Variants in NINL observed in about 807,000 individuals in gnomAD.
NINL encodes ninein-like protein.
NINL carries 153 observed loss-of-function variants against 160.3 expected under a neutral mutation model. That is an observed-to-expected ratio of 0.95 (90% CI 0.84 to 1.09). NINL has a LOEUF of 1.09. Ranked by LOEUF, NINL falls within the 50% of genes least tolerant of loss-of-function variation. The pLI, the probability that NINL is intolerant of heterozygous loss-of-function variation, is 0.00. For missense variants in NINL, 1,829 were observed against 1,764.0 expected (o/e 1.04, Z -0.66); for synonymous variants, 800 against 734.8 (o/e 1.09, Z -1.43).
At chr20:25,490,219 CTT>C (rs1158083820) in intron 11 of NINL, among the ~76,000 whole-genome samples, 1 of 152,230 alleles carries the variant, frequency 6.6e-6, no homozygotes, top group Non-Finnish European at 1.5e-5. Context: ...CTTCACTTCT[CTT>C]GTCCCCTCCC....
intron 8 of NINL, 25 bp downstream of exon 8, chr20:25,500,815 G>A (rs760898989): frequency 6.2e-7 from 1 of 1,607,072 alleles, no homozygotes; most frequent in East Asian, 2.2e-5. Context: ...CCCCTGTCCA[G>A]CTTAGGCATC....
At chr20:25,494,107 T>G (rs1265014937) in intron 10 of NINL, among the ~76,000 whole-genome samples, 1 of 141,684 alleles carries the variant, frequency 7.1e-6, no homozygotes, top group Non-Finnish European at 1.5e-5. Context: ...ATGGGTCCCA[T>G]GCACACAGTA....
At chr20:25,541,808 A>G (rs2064667427) in intron 1 of NINL, among the ~76,000 whole-genome samples, 1 of 152,250 alleles carries the variant, frequency 6.6e-6, no homozygotes, top group South Asian at 2.1e-4. Flanking sequence ...TGAGAGAACT[A>G]GAAGAGCACA....
At chr20:25,533,892 A>C (rs1456095405) in intron 1 of NINL, among the ~76,000 whole-genome samples, 1 of 152,222 alleles carries the variant, frequency 6.6e-6, no homozygotes, top group Non-Finnish European at 1.5e-5. Flanking sequence ...ACAGAGAGAA[A>C]GCTTCATGAT....
chr20:25,582,211 C>T (rs778264673), intron 1 of NINL, among the ~76,000 whole-genome samples: 3 of 152,118 alleles, frequency 2.0e-5, no homozygotes, highest in Non-Finnish European at 2.9e-5. Context: ...GCCGAGATCG[C>T]GCCACTGCAC....
rs145156134 is a variant in NINL, at chr20:25,542,806, G to A, written c.-11-16208C>T. 9.6e-3 allele frequency among the ~76,000 whole-genome samples: 1,375 copies of A among 142,648 alleles called. 21 individuals carry two copies. Among genetic ancestry groups the A allele is most frequent in the African/African-American group, 0.03 (1,186 of 39,080 alleles). The allele number at this position is 142,648 out of a possible 152,430, so 93.6% of individuals were successfully genotyped here. A position where few individuals can be genotyped will look rare whatever the true frequency, so the allele number is the denominator to read the frequency against. On this transcript the variant is annotated intron_variant, in intron 1 of 23. Transcript: ENST00000278886. The stretch of plus-strand genomic sequence containing the variant: ...AGCACTTTGGGAGGCTGAGGCGGGC[G>A]GATCATTTGAGGTCATGAGTTCGAG...
rs534014152 is a variant in NINL at position 25,583,483 on chromosome 20, G to A, written c.-12+1972C>T. 1.1e-4 allele frequency among the ~76,000 whole-genome samples: 17 copies of A among 152,330 alleles called. No homozygotes were observed. In the South Asian group the frequency reaches 2.5e-3, roughly 22 times the overall value. On this transcript the variant is annotated intron_variant, in intron 1 of 23. Transcript: ENST00000278886. ...AAAAAGCAAGGAAACAACAGATGCTGGAGAGGCTGTGGAGGAATAGGAACG... is the reference window on the plus strand; with the variant it reads ...AAAAAGCAAGGAAACAACAGATGCTAGAGAGGCTGTGGAGGAATAGGAACG...
intron 13 of NINL, among the ~76,000 whole-genome samples, chr20:25,485,136 A>C (rs1178905452): frequency 1.3e-5 from 2 of 152,220 alleles, no homozygotes; most frequent in East Asian, 3.8e-4. Flanking sequence ...AGAATAAAGG[A>C]TATTAAAGAA....
chr20:25,506,788 G>C (rs2146838764), intron 5 of NINL, among the ~76,000 whole-genome samples: 1 of 152,314 alleles, frequency 6.6e-6, no homozygotes, highest in South Asian at 2.1e-4. Flanking sequence ...TCAAGAAGTT[G>C]AAAAATCGTT....
chr20:25,475,062 C>A (rs2063197115), intron 17 of NINL, among the ~76,000 whole-genome samples: 1 of 151,992 alleles, frequency 6.6e-6, no homozygotes, highest in Admixed American at 6.6e-5. Context: ...AGATTACAGG[C>A]ATGAACCACC....
chr20:25,528,577 T>C (rs2146972513), intron 1 of NINL, among the ~76,000 whole-genome samples: 1 of 152,320 alleles, frequency 6.6e-6, no homozygotes, highest in East Asian at 1.9e-4. Context: ...TACACATTTA[T>C]ATTTCCTATT....
intron 1 of NINL, among the ~76,000 whole-genome samples, chr20:25,531,149 C>T (rs1178839781): frequency 6.6e-6 from 1 of 152,194 alleles, no homozygotes; most frequent in Non-Finnish European, 1.5e-5. Context: ...CTCCCATTTG[C>T]TTTTGAAAGA....
chr20:25,553,104 GTTTTT>G (rs3036846), intron 1 of NINL, among the ~76,000 whole-genome samples: 3 of 100,120 alleles, frequency 3.0e-5, no homozygotes, highest in South Asian at 3.3e-4. Flanking sequence ...CCCTTGTTGG[GTTTTT>G]TTTTTTTTTT....
chr20:25,494,457 C>T (rs1471507858), intron 10 of NINL, among the ~76,000 whole-genome samples: 2 of 151,624 alleles, frequency 1.3e-5, no homozygotes, highest in East Asian at 3.9e-4. Context: ...CTCACAGCAC[C>T]CTCATTGCAT....
At chr20:25,544,812 C>T (rs2064712969) in intron 1 of NINL, among the ~76,000 whole-genome samples, 1 of 152,228 alleles carries the variant, frequency 6.6e-6, no homozygotes, top group Admixed American at 6.5e-5. Flanking sequence ...CTTCTGGTTT[C>T]TGAGCACCCC....
chr20:25,537,586 T>C (rs572315872), intron 1 of NINL, among the ~76,000 whole-genome samples: 1 of 152,276 alleles, frequency 6.6e-6, no homozygotes, highest in African/African-American at 2.4e-5. Context: ...TAGTAAACAC[T>C]GAATTTCACG....
chr20:25,570,383 C>G (rs1183965881), intron 1 of NINL, among the ~76,000 whole-genome samples: 1 of 152,078 alleles, frequency 6.6e-6, no homozygotes, highest in Non-Finnish European at 1.5e-5. Context: ...ATAGTGAGTT[C>G]TCATGAGATT....
chr20:25,514,681 T>TTG (rs2146894340), intron 3 of NINL, among the ~76,000 whole-genome samples: 1 of 152,346 alleles, frequency 6.6e-6, no homozygotes, highest in South Asian at 2.1e-4. Context: ...AAAGAATGGT[T>TTG]TCATGGGCTG....
chr20:25,529,465 G>C (rs6037133), intron 1 of NINL, among the ~76,000 whole-genome samples: 15,006 of 152,004 alleles, frequency 0.099, 1,264 homozygotes, highest in African/African-American at 0.23. Flanking sequence ...GCATCTGCAA[G>C]GGCCTGCCCT....
Sources: gnomAD v4.1 joint callset for allele counts (sites outside exome capture counted in the v4.1 genomes callset) on GRCh38, gnomAD v4.1.1 for gene constraint, MANE v1.5 for transcripts, NCBI Gene and HGNC (gene_info 2026-07-23, HGNC 2026-07-21) for gene names.